The following KCNS1 variants were observed in gnomAD, a reference collection of about 807,000 sequenced individuals.
KCNS1 encodes delayed-rectifier potassium channel regulatory subunit KCNS1.
A neutral mutation model predicts 33.1 loss-of-function variants in KCNS1; 26 were observed. That is an observed-to-expected ratio of 0.79 (90% CI 0.58 to 1.09). KCNS1 has a LOEUF of 1.09. Ranked by LOEUF, KCNS1 falls within the 50% of genes least tolerant of loss-of-function variation. KCNS1 has a pLI of 0.00. For synonymous variants in KCNS1, 299 were observed against 338.8 expected, an observed-to-expected ratio of 0.88 and a Z score of 1.29; for missense variants, 702 against 752.4, an observed-to-expected ratio of 0.93 and a Z score of 0.78.
At position 45,098,503 on chromosome 20, in the gene KCNS1, C is replaced by T. The variant is rs1309002338; in HGVS notation, c.269G>A (p.Arg90His). The part of the protein sequence containing the change: ...QAAASEEQAR[R>H]LCDDYDEAAR... ...CGCCTCGTCGTAGTCGTCGCACAGG[C>T]GCCGCGCCTGCTCCTCCGACGCCGC... The change falls in exon 3 of 4, where the codon CGC becomes CAC. Residue 90 changes from arginine to histidine, a missense_variant. Transcript: ENST00000537075. The surrounding 1 kb of genome is among the most constrained non-coding windows in gnomAD (Gnocchi z 5.2). 4 of 1,538,442 alleles carry T rather than the reference C, an allele frequency of 2.6e-6. No homozygotes were observed. The highest frequency in any genetic ancestry group is 2.5e-5 in the East Asian group (1 of 39,262).
chr20:45,094,781 G>T lies in KCNS1; in HGVS notation c.*89C>A. On this transcript the variant is annotated 3_prime_UTR_variant, in exon 4 of 4. Coordinates refer to ENST00000537075, the MANE Select transcript of KCNS1 (RefSeq NM_001322799.2). ...TCTCATTTCTCAGGACAGCATGAGT[G>T]ATCCTGGGAGGCTCACTACCATGAA... 1 of 1,049,776 alleles carries T rather than the reference G, an allele frequency of 9.5e-7. No individual in the cohort carries two copies. The highest frequency in any genetic ancestry group is 1.4e-6 in the Non-Finnish European group (1 of 705,292). The allele number at this position is 1,049,776 out of a possible 1,614,324, so 65.0% of individuals were successfully genotyped here.
Position 45,097,694 on chromosome 20 carries a change from TG to T in KCNS1, c.1077del (p.Thr360ProfsTer58). Reference sequence around the variant, plus strand: ...GTGGCTCCCAGCGAGCGCAGCCCGGTGGAATGGCGCGCCAACTTGAGTACGC... The same window carrying T: ...GTGGCTCCCAGCGAGCGCAGCCCGGTGAATGGCGCGCCAACTTGAGTACGC... ...IFRVLKLARHSTGLRSLGATL... is the reference protein window; with the variant it reads ...IFRVLKLARHXTGLRSLGATL... On this transcript the variant is annotated frameshift_variant, in exon 3 of 4. Coordinates refer to ENST00000537075, the MANE Select transcript of KCNS1 (RefSeq NM_001322799.2). LOFTEE classifies it high-confidence loss of function. 6.2e-7 allele frequency: 1 copy of T among 1,609,036 alleles called. No individual in the cohort carries two copies.
At position 45,099,175 on chromosome 20, in the gene KCNS1, G is replaced by T. The variant is rs565978186; in HGVS notation, c.62C>A (p.Pro21Gln). 3 of 1,551,524 alleles carry T rather than the reference G, an allele frequency of 1.9e-6. No individual in the cohort carries two copies. The highest frequency in any genetic ancestry group is 3.9e-5 in the Admixed American group (2 of 51,006). Residue 21 changes from proline to glutamine, a missense_variant, in exon 2 of 4, where the codon CCA becomes CAA. Physicochemically the swap from Pro to Gln is moderately conservative, Grantham distance 76. This residue lies in a region of KCNS1 where 374 missense variants were observed against 352.3 expected (regional missense o/e 1.06). Transcript: ENST00000537075. ...YENLRSKVVL[P>Q]TPLGGRSTET... Reference sequence around the variant, plus strand: ...GTAACACTTACCTCCTAGGGGTGTTGGCAGCACCACTTTAGACCGGAGGTT... The same window carrying T: ...GTAACACTTACCTCCTAGGGGTGTTTGCAGCACCACTTTAGACCGGAGGTT...
At chr20:45,099,667 T>C (rs1309404959) in intron 1 of KCNS1, among the ~76,000 whole-genome samples, 1 of 152,162 alleles carries the variant, frequency 6.6e-6, no homozygotes, top group Non-Finnish European at 1.5e-5. Context: ...GAGGAAGCTA[T>C]TTGTCCTCCA....
chr20:45,098,361 C>A lies in KCNS1; in HGVS notation c.411G>T (p.Glu137Asp). The change falls in exon 3 of 4, where the codon GAG becomes GAT. Residue 137 changes from glutamate (E) to aspartate (D), a missense_variant. Around this residue, in one of 3 missense-constraint regions of KCNS1, gnomAD observed 374 missense variants for 352.3 expected, o/e 1.06. Coordinates refer to ENST00000537075, the MANE Select transcript of KCNS1 (RefSeq NM_001322799.2). The surrounding 1 kb of genome is among the most constrained non-coding windows in gnomAD (Gnocchi z 5.2). ...TCTCGCCTAGGCCCCAGTAGTCGGC[C>A]TCCTGGCCAAAGGCGAAGACGCACA... is the stretch of plus-strand genomic sequence containing the variant. ...DELCVFAFGQEADYWGLGENA... is the reference protein window; with the variant it reads ...DELCVFAFGQDADYWGLGENA... The A allele has an allele frequency of 6.3e-7, 1 of 1,578,010 alleles. No homozygotes were observed. The highest frequency in any genetic ancestry group is 8.6e-7 in the Non-Finnish European group (1 of 1,162,148).
intron 1 of KCNS1, among the ~76,000 whole-genome samples, chr20:45,099,956 AC>A (rs1981340499): frequency 6.6e-6 from 1 of 152,120 alleles, no homozygotes; most frequent in Non-Finnish European, 1.5e-5. Flanking sequence ...TTGGGGTTCC[AC>A]CCTTAGCTCT....
chr20:45,098,300 C>G lies in KCNS1; in HGVS notation c.472G>C (p.Glu158Gln). ...GCGTGCGGCTGGGTCAGCCGCCTCT[C>G]CAGGTAGCGCGCGCGGCAGCACGCG... is the stretch of plus-strand genomic sequence containing the variant. Reference protein sequence around the residue: ...LAACCRARYLERRLTQPHAWD... With the variant: ...LAACCRARYLQRRLTQPHAWD... The change falls in exon 3 of 4, where the codon GAG (glutamate) becomes CAG (glutamine). Residue 158 changes from glutamate to glutamine, a missense_variant. Physicochemically the swap from Glu to Gln is conservative, Grantham distance 29. Transcript: ENST00000537075. This position sits in a 1 kb window ranked among gnomAD's most constrained non-coding sequence, Gnocchi z 5.2. 6.3e-7 allele frequency: 1 copy of G among 1,579,016 alleles called. No individual in the cohort carries two copies. The highest frequency in any genetic ancestry group is 1.1e-5 in the South Asian group (1 of 87,494).
Position 45,092,932 on chromosome 20 carries a change from T to C in KCNS1, c.*1938A>G, listed in dbSNP as rs1981044559. ...AGAGCTCGCTATATTTATGTGATTA[T>C]TGCATTAGAGTCTATCTTCCCTACT... is the stretch of plus-strand genomic sequence containing the variant. On this transcript the variant is annotated 3_prime_UTR_variant, in exon 4 of 4. Transcript: ENST00000537075. The C allele has an allele frequency of 6.6e-6, 1 of 152,134 alleles. No homozygotes were observed. The highest frequency in any genetic ancestry group is 1.5e-5 in the Non-Finnish European group (1 of 68,014). 9.4% of individuals were successfully genotyped at this position (152,134 alleles called of 1,614,324 possible). A position where few individuals can be genotyped will look rare whatever the true frequency, so the allele number is the denominator to read the frequency against.
At position 45,095,087 on chromosome 20, in the gene KCNS1, A is replaced by T; in HGVS notation, c.1364T>A (p.Ile455Asn). 1 of 1,614,010 alleles carries T rather than the reference A, an allele frequency of 6.2e-7. No homozygotes were observed. Among genetic ancestry groups the T allele is most frequent in the Non-Finnish European group, 8.5e-7 (1 of 1,179,988 alleles). The change falls in exon 4 of 4, where the codon ATC becomes AAC. Residue 455 changes from isoleucine to asparagine, a missense_variant. Coordinates refer to ENST00000537075, the MANE Select transcript of KCNS1 (RefSeq NM_001322799.2). Reference protein sequence around the residue: ...GILVVALPITIIFNKFSHFYR... With the variant: ...GILVVALPITNIFNKFSHFYR... ...GAAGTGGGAGAACTTGTTGAAGATG[A>T]TGGTGATGGGGAGTGCTACCACCAG...
intron 3 of KCNS1, among the ~76,000 whole-genome samples, chr20:45,096,460 T>C: frequency 6.6e-6 from 1 of 152,184 alleles, no homozygotes; most frequent in Non-Finnish European, 1.5e-5. Context: ...TAATTCCTTA[T>C]ACCTGCCCAC....
chr20:45,098,308 CGCGCGCGGCAGCACGCGGCAA>C lies in KCNS1; in HGVS notation c.443_463del (p.Leu148_Ala154del). 6.3e-7 allele frequency: 1 copy of C among 1,576,398 alleles called. No homozygotes were observed. The highest frequency in any genetic ancestry group is 1.1e-5 in the South Asian group (1 of 87,206). ...CTGGGTCAGCCGCCTCTCCAGGTAG[CGCGCGCGGCAGCACGCGGCAA>C]GCGCGTTCTCGCCTAGGCCCCAGTA... On this transcript the variant is annotated inframe_deletion, in exon 3 of 4. Coordinates refer to ENST00000537075, the MANE Select transcript of KCNS1 (RefSeq NM_001322799.2). This position sits in a 1 kb window ranked among gnomAD's most constrained non-coding sequence, Gnocchi z 5.2.
chr20:45,097,521 T>C (rs1981220514), intron 3 of KCNS1, 141 bp downstream of exon 3: 1 of 789,472 alleles, frequency 1.3e-6, no homozygotes, highest in Non-Finnish European at 2.0e-6. Context: ...ACACCTGGTG[T>C]GCAGCCCTGT....
At chr20:45,095,604 G>C (rs1025515955) in intron 3 of KCNS1, among the ~76,000 whole-genome samples, 2 of 152,156 alleles carry the variant, frequency 1.3e-5, no homozygotes, top group African/African-American at 2.4e-5. Flanking sequence ...CCAACTCCGG[G>C]GTTACTGGTG....
rs1389183894 is a variant in KCNS1 at position 45,095,328 on chromosome 20, C to G, written c.1123G>C (p.Glu375Gln). 6.2e-7 allele frequency: 1 copy of G among 1,612,446 alleles called. No individual in the cohort carries two copies. The highest frequency in any genetic ancestry group is 2.2e-5 in the East Asian group (1 of 44,866). ...AGGTACAGCAGCAAGATGCCCACCT[C>G]ACGGTAGCTGTGCTGAAAGAGAATG... ...LGATLKHSYR[E>Q]VGILLLYLAV... Residue 375 changes from glutamate (E) to glutamine (Q), a missense_variant, in exon 4 of 4, where the codon GAG becomes CAG. By Grantham distance (29) the Glu-to-Gln change is conservative. Around this residue, in one of 3 missense-constraint regions of KCNS1, gnomAD observed 253 missense variants for 327.4 expected, o/e 0.77. Transcript: ENST00000537075.
chr20:45,099,158 T>TA lies in KCNS1; in HGVS notation c.76+2dup. 1.3e-6 allele frequency: 2 copies of TA among 1,551,104 alleles called. No individual in the cohort carries two copies. Among genetic ancestry groups the TA allele is most frequent in the Non-Finnish European group, 1.7e-6 (2 of 1,146,642 alleles). On this transcript the variant is annotated splice_region_variant and intron_variant, in intron 2 of 3. Coordinates refer to ENST00000537075, the MANE Select transcript of KCNS1 (RefSeq NM_001322799.2). ...TCTGCAAAATGAGGATAGTAACACTTACCTCCTAGGGGTGTTGGCAGCACC... is the reference window on the plus strand; with the variant it reads ...TCTGCAAAATGAGGATAGTAACACTTAACCTCCTAGGGGTGTTGGCAGCACC...
In KCNS1 at chr20:45,099,387, T is replaced by C. The variant is rs1981324431; in HGVS notation, c.-3-148A>G. 6.3e-6 allele frequency: 4 copies of C among 637,986 alleles called. No homozygotes were observed. The South Asian group carries it at 7.2e-5, about 11-fold the overall frequency. The allele number at this position is 637,986 out of a possible 1,614,324, so 39.5% of individuals were successfully genotyped here. On this transcript the variant is annotated intron_variant, in intron 1 of 3. Transcript: ENST00000537075. Reference sequence around the variant, plus strand: ...CAAGTTTGAGAGCTCCTGCTTTAGATTATGTAAAGCATCTGTAGAGTCAGC... The same window carrying C: ...CAAGTTTGAGAGCTCCTGCTTTAGACTATGTAAAGCATCTGTAGAGTCAGC...
Position 45,098,406 on chromosome 20 carries a change from G to A in KCNS1, c.366C>T (p.His122=), listed in dbSNP as rs755958406. 2.5e-6 allele frequency: 4 copies of A among 1,595,938 alleles called. No individual in the cohort carries two copies. The South Asian group carries it at 3.4e-5, about 14-fold the overall frequency. ...LSLLHFYRTG[H]LHVLDELCVF... is the part of the protein sequence containing the mutation. The stretch of plus-strand genomic sequence containing the variant: ...CGCACAGCTCGTCGAGCACGTGCAG[G>A]TGGCCAGTGCGGTAGAAGTGCAGCA... Residue 122 remains histidine, a synonymous_variant, in exon 3 of 4, where the codon CAC becomes CAT. Coordinates refer to ENST00000537075, the MANE Select transcript of KCNS1 (RefSeq NM_001322799.2). This position sits in a 1 kb window ranked among gnomAD's most constrained non-coding sequence, Gnocchi z 5.2.
chr20:45,097,305 C>T (rs763380927), intron 3 of KCNS1, among the ~76,000 whole-genome samples: 1 of 152,198 alleles, frequency 6.6e-6, no homozygotes, highest in Non-Finnish European at 1.5e-5. Flanking sequence ...TAGCAGAAAG[C>T]CAGTTAGCAT....
intron 3 of KCNS1, among the ~76,000 whole-genome samples, chr20:45,095,612 G>T (rs951283888): frequency 9.2e-5 from 14 of 152,180 alleles, no homozygotes; most frequent in Non-Finnish European, 2.1e-4. Flanking sequence ...GGGGTTACTG[G>T]TGGCACCACA....
Sources: allele counts gnomAD v4.1 joint callset (sites outside exome capture counted in the v4.1 genomes callset), GRCh38; gene constraint gnomAD v4.1.1; regional missense constraint gnomAD v4.1.1; non-coding constraint Gnocchi (gnomAD v3.1); transcripts MANE v1.5; gene names NCBI Gene and HGNC (gene_info 2026-07-23, HGNC 2026-07-21).